The following DAPK1 variants were observed in gnomAD, a reference collection of about 807,000 sequenced individuals.
DAPK1 encodes the protein death-associated protein kinase 1.
A neutral mutation model predicts 144.9 loss-of-function variants in DAPK1; 56 were observed. The ratio of observed to expected loss-of-function variants is 0.39; its 90% CI spans 0.31 to 0.48. DAPK1 has a LOEUF of 0.48. Among genes scored for constraint, DAPK1 ranks in the 20% least tolerant of loss-of-function variants. The pLI is 0.95. For missense variants in DAPK1, 1,454 were observed against 1,875.4 expected (o/e 0.78, Z 4.15); for synonymous variants, 690 against 749.0 (o/e 0.92, Z 1.29).
chr9:87,497,778 T>A (rs954047136), upstream of DAPK1: 3 of 347,354 alleles, frequency 8.6e-6, no homozygotes, highest in Admixed American at 9.6e-5. Context: ...CGGAGGTGGG[T>A]GGGCCGCGCC....
At chr9:87,627,168 A>T (rs1290627113) in intron 3 of DAPK1, among the ~76,000 whole-genome samples, 1 of 152,082 alleles carries the variant, frequency 6.6e-6, no homozygotes, top group Non-Finnish European at 1.5e-5. Context: ...CCACATGGAG[A>T]GGGGTGTCTG....
At chr9:87,697,300 G>A in intron 22 of DAPK1, 96 bp downstream of exon 22, 1 of 695,836 alleles carries the variant, frequency 1.4e-6, no homozygotes, top group South Asian at 1.6e-5. Flanking sequence ...TGCCACTGCT[G>A]CTGCTGGCCT....
chr9:87,632,679 A>C, intron 3 of DAPK1: 1 of 982,874 alleles, frequency 1.0e-6, no homozygotes, highest in Non-Finnish European at 1.2e-6. Context: ...AAGGAAGATG[A>C]GTACCTATAT....
chr9:87,565,719 G>A (rs28405996), intron 2 of DAPK1, among the ~76,000 whole-genome samples: 7,587 of 152,132 alleles, frequency 0.05, 585 homozygotes, highest in African/African-American at 0.17. Flanking sequence ...TCTTTTCCCC[G>A]TTTTTCACTC....
At chr9:87,517,399 T>C (rs1436525198) in intron 2 of DAPK1, among the ~76,000 whole-genome samples, 2 of 151,968 alleles carry the variant, frequency 1.3e-5, no homozygotes, top group Admixed American at 6.6e-5. Flanking sequence ...TAATTCCTCA[T>C]TGACACATTC....
chr9:87,635,893 C>T (rs552052297), intron 3 of DAPK1, among the ~76,000 whole-genome samples: 10 of 152,260 alleles, frequency 6.6e-5, no homozygotes, highest in Non-Finnish European at 1.0e-4. Flanking sequence ...TGGTGCGGGG[C>T]GCCCCAGAGA....
intron 11 of DAPK1, among the ~76,000 whole-genome samples, chr9:87,644,772 CT>C (rs1037890023): frequency 2.6e-5 from 4 of 152,134 alleles, no homozygotes; most frequent in African/African-American, 7.2e-5. Flanking sequence ...GACCAAGGGT[CT>C]TGTAGGAGCT....
At chr9:87,643,813 T>C (rs1211727539) in intron 11 of DAPK1, among the ~76,000 whole-genome samples, 1 of 151,994 alleles carries the variant, frequency 6.6e-6, no homozygotes, top group African/African-American at 2.4e-5. Flanking sequence ...ACTGATATTT[T>C]GGTAAAAGAG....
At position 87,562,225 on chromosome 9, in the gene DAPK1, A is replaced by G. The variant is rs1251655444; in HGVS notation, c.63-42729A>G. Among the ~76,000 whole-genome samples, 6 of 152,230 alleles carry G rather than the reference A, an allele frequency of 3.9e-5. No homozygotes were observed. In the East Asian group the frequency reaches 5.8e-4, roughly 15 times the overall value. On this transcript the variant is annotated intron_variant, in intron 2 of 25. Coordinates refer to ENST00000408954, the MANE Select transcript of DAPK1 (RefSeq NM_004938.4). ...ACAGCAGTTGAGCTATATGTTCATC[A>G]TAGTTATACTGAGTTAGGATGGGCA...
At chr9:87,575,236 TAA>T (rs984944716) in intron 2 of DAPK1, among the ~76,000 whole-genome samples, 2 of 75,678 alleles carry the variant, frequency 2.6e-5, no homozygotes, top group African/African-American at 1.0e-4. Flanking sequence ...TAAAATAAAA[TAA>T]AATAAAATAA....
At chr9:87,669,768 G>C (rs931726132) in intron 19 of DAPK1, among the ~76,000 whole-genome samples, 2 of 151,822 alleles carry the variant, frequency 1.3e-5, no homozygotes, top group South Asian at 2.1e-4. Flanking sequence ...AGGGGCAGGG[G>C]GGGGCCACAG....
intron 18 of DAPK1, among the ~76,000 whole-genome samples, chr9:87,660,685 C>T (rs929781291): frequency 6.6e-6 from 1 of 152,108 alleles, no homozygotes; most frequent in Non-Finnish European, 1.5e-5. Flanking sequence ...CACTCTTCTT[C>T]CCTGTGTACA....
intron 2 of DAPK1, among the ~76,000 whole-genome samples, chr9:87,570,992 CAGTGA>C (rs1244515514): frequency 4.0e-4 from 61 of 152,170 alleles, no homozygotes; most frequent in African/African-American, 1.4e-3. Flanking sequence ...CACTTGGTTT[CAGTGA>C]ACTGGACTGG....
intron 3 of DAPK1, among the ~76,000 whole-genome samples, chr9:87,617,832 A>G (rs1474306939): frequency 1.3e-5 from 2 of 152,098 alleles, no homozygotes; most frequent in Non-Finnish European, 2.9e-5. Context: ...CATTCCCTCC[A>G]TAGTCCCTGC....
Position 87,706,485 on chromosome 9 carries a change from C to T in DAPK1, c.3414C>T (p.Thr1138=), listed in dbSNP as rs758117096. The change falls in exon 26 of 26, where the codon ACC becomes ACT. Residue 1138 remains threonine, a synonymous_variant. Coordinates refer to ENST00000408954, the MANE Select transcript of DAPK1 (RefSeq NM_004938.4). The surrounding 1 kb of genome is among the most constrained non-coding windows in gnomAD (Gnocchi z 9.0). ...GCATCGTGCCCGTGGAACACCTCAC[C>T]CCCTTCCCATGTGGCATCTTTCACA... ...GVRIVPVEHL[T]PFPCGIFHKV... 3 of 1,613,662 alleles carry T rather than the reference C, an allele frequency of 1.9e-6. No homozygotes were observed. The highest frequency in any genetic ancestry group is 1.7e-6 in the Non-Finnish European group (2 of 1,179,732).
Position 87,707,386 on chromosome 9 carries a change from G to A in DAPK1, c.*22G>A, listed in dbSNP as rs760668027. 17 of 1,541,484 alleles carry A rather than the reference G, an allele frequency of 1.1e-5. No individual in the cohort carries two copies. The South Asian group carries it at 2.1e-4, about 19-fold the overall frequency. ...GTGAGGGCAGCCTCTGGCTTGGGCA[G>A]GGTCTGTTTGGACTGCAGAAGCAAG... On this transcript the variant is annotated 3_prime_UTR_variant, in exon 26 of 26. Coordinates refer to ENST00000408954, the MANE Select transcript of DAPK1 (RefSeq NM_004938.4). The surrounding 1 kb of genome is among the most constrained non-coding windows in gnomAD (Gnocchi z 4.0).
Position 87,678,148 on chromosome 9 carries a change from A to G in DAPK1, c.2002-3256A>G, listed in dbSNP as rs549453185. 3.3e-5 allele frequency among the ~76,000 whole-genome samples: 5 copies of G among 152,304 alleles called. No homozygotes were observed. In the South Asian group the frequency reaches 1.0e-3, roughly 32 times the overall value. ...CAGACCACCTCGTGTTCTACAGATC[A>G]TGGTTTGGTGCCGTGGCCTCCACCC... On this transcript the variant is annotated intron_variant, in intron 19 of 25. Coordinates refer to ENST00000408954, the MANE Select transcript of DAPK1 (RefSeq NM_004938.4).
intron 25 of DAPK1, among the ~76,000 whole-genome samples, chr9:87,703,788 C>T (rs112331115): frequency 6.6e-6 from 1 of 152,270 alleles, no homozygotes; most frequent in Non-Finnish European, 1.5e-5. Flanking sequence ...GGAGGCTTTG[C>T]TCTGGTTCTG....
chr9:87,614,518 G>A lies in DAPK1; in HGVS notation c.284+9343G>A, dbSNP rs113099176. ...AGACTCTTCTGCATCACTCTCTGGG[G>A]TGGTGCAGGTCCTGCAAATTGTTCA... On this transcript the variant is annotated intron_variant, in intron 3 of 25. Coordinates refer to ENST00000408954, the MANE Select transcript of DAPK1 (RefSeq NM_004938.4). Among the ~76,000 whole-genome samples the A allele has an allele frequency of 5.9e-4, 90 of 152,272 alleles. 1 individual carries two copies. The highest frequency in any genetic ancestry group is 2.1e-3 in the African/African-American group (89 of 41,554).
Sources: allele counts gnomAD v4.1 joint callset (sites outside exome capture counted in the v4.1 genomes callset), GRCh38; gene constraint gnomAD v4.1.1; non-coding constraint Gnocchi (gnomAD v3.1); transcripts MANE v1.5; gene names NCBI Gene and HGNC (gene_info 2026-07-23, HGNC 2026-07-21).